PPM1L: variants seen among roughly 807,000 people sequenced by gnomAD.
PPM1L encodes protein phosphatase 1L.
PPM1L carries 13 observed loss-of-function variants against 31.4 expected under a neutral mutation model. The observed-to-expected ratio is 0.41, with a 90% CI of 0.27 to 0.66. The LOEUF is 0.66. Ranked by LOEUF, PPM1L falls within the 30% of genes least tolerant of loss-of-function variation. The pLI, the probability that PPM1L is intolerant of heterozygous loss-of-function variation, is 0.29. For synonymous variants in PPM1L, 184 were observed against 175.4 expected (o/e 1.05, Z -0.39); for missense variants, 326 against 453.7 (o/e 0.72, Z 2.56).
chr3:160,873,537 T>C (rs775234254), intron 1 of PPM1L, among the ~76,000 whole-genome samples: 27 of 149,766 alleles, frequency 1.8e-4, no homozygotes, highest in Non-Finnish European at 3.8e-4. Flanking sequence ...CTTGCTCTAG[T>C]AGAATTATTA....
At chr3:160,984,730 A>C (rs972409957) in intron 2 of PPM1L, among the ~76,000 whole-genome samples, 1 of 152,136 alleles carries the variant, frequency 6.6e-6, no homozygotes, top group Admixed American at 6.5e-5. Flanking sequence ...CCTGTTTTGC[A>C]CTGCTTTTAT....
intron 1 of PPM1L, among the ~76,000 whole-genome samples, chr3:160,774,745 C>G (rs1174740091): frequency 1.3e-5 from 2 of 152,158 alleles, no homozygotes; most frequent in Non-Finnish European, 2.9e-5. Flanking sequence ...TCAAGGTTCC[C>G]CTCGATTTCC....
At chr3:160,854,132 T>C (rs1711604925) in intron 1 of PPM1L, among the ~76,000 whole-genome samples, 1 of 152,222 alleles carries the variant, frequency 6.6e-6, no homozygotes, top group Non-Finnish European at 1.5e-5. Flanking sequence ...TAGACATGTC[T>C]TTTACATATA....
rs368497764 is a variant in PPM1L at position 160,825,847 on chromosome 3, A to G, written c.399+69140A>G. On this transcript the variant is annotated intron_variant, in intron 1 of 3. Transcript: ENST00000498165. Reference sequence around the variant, plus strand: ...TCGCGAACCCTCCACACTCATATCTAGTAACTGATATAAAATAGGGCAGAA... The same window carrying G: ...TCGCGAACCCTCCACACTCATATCTGGTAACTGATATAAAATAGGGCAGAA... Among the ~76,000 whole-genome samples, 14 of 152,224 alleles carry G rather than the reference A, an allele frequency of 9.2e-5. 1 individual carries two copies. The highest frequency in any genetic ancestry group is 3.1e-4 in the African/African-American group (13 of 41,538).
chr3:160,771,760 A>G (rs1358657359), intron 1 of PPM1L, among the ~76,000 whole-genome samples: 1 of 152,034 alleles, frequency 6.6e-6, no homozygotes, highest in Admixed American at 6.5e-5. Context: ...CTTTATGTTT[A>G]ATCTAAGTGC....
intron 1 of PPM1L, among the ~76,000 whole-genome samples, chr3:160,954,945 TTCC>T (rs371767453): frequency 0.23 from 14,723 of 64,374 alleles, 862 homozygotes; most frequent in East Asian, 0.37. Context: ...CCTTCCTTCC[TTCC>T]TTCCTTCCTT....
intron 1 of PPM1L, among the ~76,000 whole-genome samples, chr3:160,817,599 T>G (rs1713036235): frequency 6.6e-6 from 1 of 152,110 alleles, no homozygotes; most frequent in Non-Finnish European, 1.5e-5. Flanking sequence ...TTTTCTATTG[T>G]GTTGGCATTT....
At chr3:160,924,685 T>C (rs148699340) in intron 1 of PPM1L, among the ~76,000 whole-genome samples, 9 of 152,342 alleles carry the variant, frequency 5.9e-5, no homozygotes, top group Non-Finnish European at 1.0e-4. Flanking sequence ...TACTGGCATA[T>C]GCCTTCCTCA....
intron 1 of PPM1L, among the ~76,000 whole-genome samples, chr3:160,883,073 C>T (rs972733771): frequency 1.3e-5 from 2 of 152,206 alleles, no homozygotes; most frequent in Non-Finnish European, 1.5e-5. Flanking sequence ...GTGGGTAGCA[C>T]TTAATCACTC....
chr3:161,011,429 A>G (rs968360257), intron 2 of PPM1L, among the ~76,000 whole-genome samples: 6 of 152,186 alleles, frequency 3.9e-5, no homozygotes, highest in African/African-American at 1.2e-4. Context: ...GCCTTGTAGT[A>G]TAGTTTGAAG....
intron 1 of PPM1L, among the ~76,000 whole-genome samples, chr3:160,854,475 G>A (rs990562593): frequency 7.9e-5 from 12 of 152,144 alleles, no homozygotes; most frequent in Non-Finnish European, 1.6e-4. Context: ...ATCATGGAAA[G>A]CCTTGAATAC....
intron 2 of PPM1L, among the ~76,000 whole-genome samples, chr3:160,992,010 A>G (rs184930084): frequency 6.6e-5 from 10 of 152,310 alleles, no homozygotes; most frequent in Admixed American, 2.6e-4. Context: ...TGTAAGTATT[A>G]TTATTATCCT....
intron 1 of PPM1L, among the ~76,000 whole-genome samples, chr3:160,936,667 T>G (rs1352842057): frequency 6.6e-6 from 1 of 152,236 alleles, no homozygotes; most frequent in Non-Finnish European, 1.5e-5. Context: ...ACCTTAAATA[T>G]GAAGTATTTA....
chr3:160,982,268 A>G (rs1576760814), intron 2 of PPM1L, among the ~76,000 whole-genome samples: 2 of 152,110 alleles, frequency 1.3e-5, no homozygotes, highest in East Asian at 3.9e-4. Flanking sequence ...TGACTCCTCT[A>G]ATTCATTAAG....
intron 1 of PPM1L, among the ~76,000 whole-genome samples, chr3:160,822,065 A>G (rs1419026253): frequency 6.6e-6 from 1 of 152,092 alleles, no homozygotes; most frequent in African/African-American, 2.4e-5. Flanking sequence ...AAAATTAAAA[A>G]AGATTTATAA....
intron 1 of PPM1L, among the ~76,000 whole-genome samples, chr3:160,877,810 T>C (rs927142320): frequency 2.0e-5 from 3 of 152,176 alleles, no homozygotes; most frequent in Non-Finnish European, 4.4e-5. Flanking sequence ...CCTAATCTTC[T>C]TATTAAGCAA....
chr3:161,064,210 GT>G (rs1211930165), intron 2 of PPM1L, among the ~76,000 whole-genome samples: 1 of 150,124 alleles, frequency 6.7e-6, no homozygotes, highest in Non-Finnish European at 1.5e-5. Flanking sequence ...AGAATTCAGT[GT>G]TTTTTTTCAA....
intron 1 of PPM1L, among the ~76,000 whole-genome samples, chr3:160,898,156 T>C (rs964732954): frequency 6.6e-6 from 1 of 152,218 alleles, no homozygotes; most frequent in Admixed American, 6.5e-5. Context: ...ATTCCTTTTT[T>C]TGGCATGCAG....
At chr3:160,992,177 G>T (rs1244708321) in intron 2 of PPM1L, among the ~76,000 whole-genome samples, 4 of 152,188 alleles carry the variant, frequency 2.6e-5, no homozygotes, top group African/African-American at 9.7e-5. Context: ...ACAAGGCTTA[G>T]TAAAGGATAT....
Sources: gnomAD v4.1 joint callset for allele counts (sites outside exome capture counted in the v4.1 genomes callset) on GRCh38, gnomAD v4.1.1 for gene constraint, MANE v1.5 for transcripts, NCBI Gene and HGNC (gene_info 2026-07-23, HGNC 2026-07-21) for gene names.